CHN1: variants seen among roughly 807,000 people sequenced by gnomAD.
The protein encoded by CHN1 is chimerin 1.
CHN1 carries 37 observed loss-of-function variants against 59.5 expected under a neutral mutation model. The observed-to-expected ratio is 0.62, with a 90% CI of 0.48 to 0.82. The LOEUF (loss-of-function observed/expected upper bound fraction) is 0.82. CHN1 is among the 40% of genes least tolerant of loss of function. The pLI, the probability that CHN1 is intolerant of heterozygous loss-of-function variation, is 0.00. For synonymous variants in CHN1, 206 were observed against 200.4 expected (o/e 1.03, Z -0.24); for missense variants, 469 against 571.0 (o/e 0.82, Z 1.82).
At chr2:174,977,024 C>T (rs114176230) in intron 1 of CHN1, among the ~76,000 whole-genome samples, 202 of 152,298 alleles carry the variant, frequency 1.3e-3, no homozygotes, top group Non-Finnish European at 2.2e-3. Context: ...ACTATTTCTC[C>T]TTCTGTCCTT....
chr2:174,820,440 T>C (rs571967283), intron 8 of CHN1, among the ~76,000 whole-genome samples: 5 of 152,356 alleles, frequency 3.3e-5, no homozygotes, highest in African/African-American at 1.2e-4. Context: ...CATTTTTTCA[T>C]GTGATTTTTA....
At chr2:174,815,444 T>C (rs1430309957) in intron 8 of CHN1, among the ~76,000 whole-genome samples, 3 of 152,214 alleles carry the variant, frequency 2.0e-5, no homozygotes, top group Non-Finnish European at 4.4e-5. Context: ...TTTCTACTTA[T>C]CTTCACTTCA....
chr2:174,955,907 G>A (rs1690188853), intron 1 of CHN1, among the ~76,000 whole-genome samples: 1 of 152,084 alleles, frequency 6.6e-6, no homozygotes, highest in Non-Finnish European at 1.5e-5. Flanking sequence ...GTGAGGAGAG[G>A]GGTGAGTTAA....
At chr2:174,904,359 C>T (rs1280045476) in intron 5 of CHN1, among the ~76,000 whole-genome samples, 4 of 152,112 alleles carry the variant, frequency 2.6e-5, no homozygotes, top group African/African-American at 9.7e-5. Context: ...TAAAGTGCTG[C>T]ATGTTTTATG....
At position 174,992,138 on chromosome 2, in the gene CHN1, G is replaced by A. The variant is rs566346487; in HGVS notation, c.19+12756C>T. On this transcript the variant is annotated intron_variant, in intron 1 of 12. Coordinates refer to ENST00000409900, the MANE Select transcript of CHN1 (RefSeq NM_001822.7). ...CAGAGCCACAGAAAGAAAGAAGTAT[G>A]AAAGCCATGCAAAGACCAGTCTGCA... is the stretch of plus-strand genomic sequence containing the variant. Among the ~76,000 whole-genome samples the A allele has an allele frequency of 3.3e-5, 5 of 152,328 alleles. No individual in the cohort carries two copies. The East Asian group carries it at 7.7e-4, about 24-fold the overall frequency.
At chr2:174,908,807 A>G (rs1688612044) in intron 5 of CHN1, among the ~76,000 whole-genome samples, 1 of 152,070 alleles carries the variant, frequency 6.6e-6, no homozygotes, top group African/African-American at 2.4e-5. Context: ...AGCCCCTCCA[A>G]TTTCCATGAA....
chr2:174,831,895 T>C (rs13417771), intron 7 of CHN1, among the ~76,000 whole-genome samples: 1 of 152,100 alleles, frequency 6.6e-6, no homozygotes, highest in African/African-American at 2.4e-5. Flanking sequence ...GTAGGTACAA[T>C]AGGAAAATAA....
intron 1 of CHN1, among the ~76,000 whole-genome samples, chr2:175,003,462 C>T (rs776711799): frequency 9.2e-5 from 14 of 151,988 alleles, no homozygotes; most frequent in Non-Finnish European, 1.3e-4. Context: ...CTTTTTTATT[C>T]GTCAGGAATG....
intron 7 of CHN1, chr2:174,846,403 T>C (rs1217741253): frequency 1.3e-6 from 2 of 1,545,284 alleles, no homozygotes; most frequent in African/African-American, 1.4e-5. Flanking sequence ...CCTTTCATCA[T>C]GGTCAATTCA....
At chr2:174,985,821 C>T (rs1691321510) in intron 1 of CHN1, among the ~76,000 whole-genome samples, 1 of 152,052 alleles carries the variant, frequency 6.6e-6, no homozygotes. Context: ...TTAGATGTTC[C>T]TTCTTAAATT....
chr2:174,927,705 A>C (rs962544415), intron 3 of CHN1, among the ~76,000 whole-genome samples: 1 of 152,222 alleles, frequency 6.6e-6, no homozygotes, highest in Admixed American at 6.5e-5. Flanking sequence ...ATAAAATTTC[A>C]AAAATGTTTA....
intron 3 of CHN1, among the ~76,000 whole-genome samples, chr2:174,925,554 A>G (rs1689142629): frequency 6.6e-6 from 1 of 152,208 alleles, no homozygotes; most frequent in Non-Finnish European, 1.5e-5. Flanking sequence ...TTAAGGTCTA[A>G]AAGAGACATT....
At chr2:174,810,945 T>A (rs867316850) in intron 10 of CHN1, 1 of 152,282 alleles carries the variant, frequency 6.6e-6, no homozygotes, top group African/African-American at 2.4e-5. Flanking sequence ...AATCTTAATT[T>A]AAATGTTAGC....
intron 1 of CHN1, among the ~76,000 whole-genome samples, chr2:174,988,877 A>G (rs1395898931): frequency 6.6e-6 from 1 of 152,236 alleles, no homozygotes; most frequent in Non-Finnish European, 1.5e-5. Flanking sequence ...ACTTTATTTC[A>G]GTTCACATTA....
At chr2:174,884,677 T>C (rs942397658) in intron 5 of CHN1, among the ~76,000 whole-genome samples, 1 of 152,156 alleles carries the variant, frequency 6.6e-6, no homozygotes, top group African/African-American at 2.4e-5. Context: ...GCAACATCCA[T>C]AAATGGCCAA....
intron 5 of CHN1, among the ~76,000 whole-genome samples, chr2:174,882,697 AAC>A (rs1413166043): frequency 2.0e-5 from 3 of 152,194 alleles, no homozygotes; most frequent in Non-Finnish European, 2.9e-5. Context: ...AACATACAAA[AAC>A]AGTTTTATTT....
intron 5 of CHN1, among the ~76,000 whole-genome samples, chr2:174,899,120 A>G (rs1194954529): frequency 6.6e-6 from 1 of 152,126 alleles, no homozygotes; most frequent in African/African-American, 2.4e-5. Flanking sequence ...CCTTTTTTAT[A>G]TACATTTATA....
chr2:174,847,772 GCAAAAAA>G (rs1230999684), intron 6 of CHN1: 7 of 92,662 alleles, frequency 7.6e-5, no homozygotes, highest in South Asian at 1.3e-4. Context: ...CTGGCTCAAG[GCAAAAAA>G]AAAAAAAAAA....
chr2:174,968,694 A>G (rs1690665498), intron 1 of CHN1, among the ~76,000 whole-genome samples: 1 of 152,230 alleles, frequency 6.6e-6, no homozygotes, highest in African/African-American at 2.4e-5. Flanking sequence ...CAAGGCCTAA[A>G]ATGAACATGT....
Sources: gnomAD v4.1 joint callset for allele counts (sites outside exome capture counted in the v4.1 genomes callset) on GRCh38, gnomAD v4.1.1 for gene constraint, MANE v1.5 for transcripts, NCBI Gene and HGNC (gene_info 2026-07-23, HGNC 2026-07-21) for gene names.